Variants in DNAH7 observed in about 807,000 individuals in gnomAD.
DNAH7 encodes dynein axonemal heavy chain 7.
Under a neutral mutation model 444.6 loss-of-function variants are expected in DNAH7, and 397 were observed. That is an observed-to-expected ratio of 0.89 (90% confidence interval 0.82 to 0.97). DNAH7 has a LOEUF of 0.97. Among genes scored for constraint, DNAH7 ranks in the 50% least tolerant of loss-of-function variants. DNAH7 has a pLI of 0.00. For missense variants in DNAH7, 4,902 were observed against 4,800.8 expected (o/e 1.02, Z -0.62); for synonymous variants, 1,636 against 1,624.4 (o/e 1.01, Z -0.17).
intron 19 of DNAH7, among the ~76,000 whole-genome samples, chr2:195,944,987 A>T (rs1689705939): frequency 6.6e-6 from 1 of 151,752 alleles, no homozygotes; most frequent in African/African-American, 2.4e-5. Flanking sequence ...AAGTCTAAGA[A>T]CATAATTGAT....
chr2:195,976,743 C>CAGAGAGAGAGAGAGAGAGAGAGAG (rs1692212889), intron 15 of DNAH7, among the ~76,000 whole-genome samples: 1 of 18,350 alleles, frequency 5.4e-5, no homozygotes, highest in Non-Finnish European at 1.8e-4. Flanking sequence ...GACAGAGAGG[C>CAGAGAGAGAGAGAGAGAGAGAGAG]AGACAGAGAG....
At chr2:195,868,089 C>CTTTTTTT (rs58317384) in intron 40 of DNAH7, among the ~76,000 whole-genome samples, 5 of 101,058 alleles carry the variant, frequency 4.9e-5, no homozygotes, top group Non-Finnish European at 7.6e-5. Context: ...TATTATTCAT[C>CTTTTTTT]TTTTTTTTTT....
chr2:195,888,237 T>TA (rs761672860), intron 33 of DNAH7, 21 bp downstream of exon 33: 1 of 1,576,742 alleles, frequency 6.3e-7, no homozygotes, highest in South Asian at 1.2e-5. Context: ...TTTTTAATCT[T>TA]AAAATTCTCA....
At chr2:195,997,187 C>T (rs751292048) in intron 12 of DNAH7, among the ~76,000 whole-genome samples, 5 of 152,088 alleles carry the variant, frequency 3.3e-5, no homozygotes, top group South Asian at 2.1e-4. Context: ...TAAGCAGAAT[C>T]GGATACTACG....
intron 1 of DNAH7, among the ~76,000 whole-genome samples, chr2:196,066,015 T>C (rs1459126934): frequency 1.3e-5 from 2 of 152,238 alleles, no homozygotes; most frequent in African/African-American, 4.8e-5. Context: ...ATCTGTTTTC[T>C]GTTGGGATCC....
At chr2:195,804,415 TA>T (rs1170309551) in intron 54 of DNAH7, among the ~76,000 whole-genome samples, 24 of 152,298 alleles carry the variant, frequency 1.6e-4, no homozygotes, top group African/African-American at 5.5e-4. Context: ...TACTAACAAT[TA>T]TTTTTTTATT....
rs2125135191 is a variant in DNAH7, at chr2:195,873,700, T to C, written c.6287-6A>G. Reference sequence around the variant, plus strand: ...TACTGGATTTCGACCACCACCTAAATATTAAAAAGTATAACTCTTAATAAT... The same window carrying C: ...TACTGGATTTCGACCACCACCTAAACATTAAAAAGTATAACTCTTAATAAT... On this transcript the variant is annotated splice_polypyrimidine_tract_variant and splice_region_variant and intron_variant, in intron 38 of 64. Coordinates refer to ENST00000312428, the MANE Select transcript of DNAH7 (RefSeq NM_018897.3). 3.3e-6 allele frequency: 5 copies of C among 1,522,400 alleles called. No homozygotes were observed. Among genetic ancestry groups the C allele is most frequent in the Non-Finnish European group, 4.4e-6 (5 of 1,141,836 alleles). 94.3% of individuals were successfully genotyped at this position (1,522,400 alleles called of 1,614,324 possible).
chr2:196,042,917 A>G (rs756870366), intron 5 of DNAH7, among the ~76,000 whole-genome samples: 38 of 152,278 alleles, frequency 2.5e-4, no homozygotes, highest in Admixed American at 1.3e-3. Flanking sequence ...AGCATCATTC[A>G]TAATAGTCAA....
chr2:195,791,393 A>AT (rs936749916), intron 57 of DNAH7, among the ~76,000 whole-genome samples: 4 of 151,848 alleles, frequency 2.6e-5, no homozygotes, highest in African/African-American at 9.7e-5. Flanking sequence ...AAAAAAAAAA[A>AT]AGTCAAAACA....
intron 42 of DNAH7, 33 bp from the exon 43 acceptor site, chr2:195,858,837 T>C (rs781423427): frequency 7.1e-6 from 11 of 1,550,434 alleles, no homozygotes; most frequent in Non-Finnish European, 8.7e-6. Context: ...AAGTTAATCA[T>C]GAGGCTCTGT....
At chr2:195,744,231 G>T (rs1271456508) in intron 63 of DNAH7, among the ~76,000 whole-genome samples, 3 of 152,248 alleles carry the variant, frequency 2.0e-5, no homozygotes, top group Non-Finnish European at 4.4e-5. Flanking sequence ...TGGCTCGGAG[G>T]GGCCTACGCC....
At chr2:196,006,687 A>G (rs1032363353) in intron 10 of DNAH7, among the ~76,000 whole-genome samples, 1 of 152,132 alleles carries the variant, frequency 6.6e-6, no homozygotes, top group African/African-American at 2.4e-5. Context: ...AAGCTAATAA[A>G]TAAGTTTAGT....
chr2:195,881,737 A>G, intron 36 of DNAH7, 58 bp downstream of exon 36: 1 of 1,504,824 alleles, frequency 6.6e-7, no homozygotes, highest in Admixed American at 1.9e-5. Context: ...CTGCTATTTC[A>G]AAAACATTCT....
At chr2:195,990,253 T>C (rs1167546299) in intron 12 of DNAH7, among the ~76,000 whole-genome samples, 1 of 152,040 alleles carries the variant, frequency 6.6e-6, no homozygotes, top group Non-Finnish European at 1.5e-5. Context: ...GATTTTTATA[T>C]GGTGAGAGAC....
rs189742000 is a variant in DNAH7 at position 195,997,773 on chromosome 2, A to C, written c.1353+2931T>G. 7.0e-4 allele frequency among the ~76,000 whole-genome samples: 107 copies of C among 152,262 alleles called. 1 individual carries two copies. Among genetic ancestry groups the C allele is most frequent in the Non-Finnish European group, 2.6e-4 (18 of 68,002 alleles). On this transcript the variant is annotated intron_variant, in intron 12 of 64. Coordinates refer to ENST00000312428, the MANE Select transcript of DNAH7 (RefSeq NM_018897.3). The stretch of plus-strand genomic sequence containing the variant: ...TCCATTTCTGCAATTGTTGTCAAAG[A>C]TCACTGAGATCATGTTCAATTATCC...
At chr2:195,917,281 G>A (rs1359306102) in intron 24 of DNAH7, among the ~76,000 whole-genome samples, 1 of 152,028 alleles carries the variant, frequency 6.6e-6, no homozygotes, top group East Asian at 1.9e-4. Flanking sequence ...AAATGGCGGA[G>A]TTTGACAGGT....
At chr2:195,882,705 C>A (rs192757717) in intron 35 of DNAH7, among the ~76,000 whole-genome samples, 27 of 152,338 alleles carry the variant, frequency 1.8e-4, no homozygotes. Flanking sequence ...ATCATGATAA[C>A]TCTGTCTTCT....
Position 196,068,705 on chromosome 2 carries a change from T to C in DNAH7, c.7A>G (p.Ser3Gly), listed in dbSNP as rs781746930. 7.1e-6 allele frequency: 11 copies of C among 1,551,534 alleles called. No homozygotes were observed. The South Asian group carries it at 1.1e-4, about 15-fold the overall frequency. ...AAGAGCAGCCCTCTCACCTGCTCACTGCTCATGGCTGCGAGGACGCGCTGG... is the reference window on the plus strand; with the variant it reads ...AAGAGCAGCCCTCTCACCTGCTCACCGCTCATGGCTGCGAGGACGCGCTGG... MSSEQDKSASKEK... is the reference protein window; with the variant it reads MSGEQDKSASKEK... Residue 3 changes from serine to glycine, a missense_variant, in exon 1 of 65, where the codon AGT (serine) becomes GGT (glycine). By Grantham distance (56) the Ser-to-Gly change is moderately conservative. Transcript: ENST00000312428.
At chr2:196,003,037 T>C (rs993409472) in intron 10 of DNAH7, among the ~76,000 whole-genome samples, 10 of 150,440 alleles carry the variant, frequency 6.6e-5, no homozygotes, top group African/African-American at 2.2e-4. Flanking sequence ...GATGGTATCA[T>C]CATTTCTCTC....
Sources: gnomAD v4.1 joint callset for allele counts (sites outside exome capture counted in the v4.1 genomes callset) on GRCh38, gnomAD v4.1.1 for gene constraint, MANE v1.5 for transcripts, NCBI Gene and HGNC (gene_info 2026-07-23, HGNC 2026-07-21) for gene names.